NFAT5: variants seen among roughly 807,000 people sequenced by gnomAD.
The protein encoded by NFAT5 is nuclear factor of activated T cells 5.
A neutral mutation model predicts 166.5 loss-of-function variants in NFAT5; 31 were observed. The observed-to-expected ratio is 0.19, with a 90% CI of 0.14 to 0.25. The LOEUF is 0.25. Among genes scored for constraint, NFAT5 ranks in the 10% least tolerant of loss-of-function variants. The pLI, the probability that NFAT5 is intolerant of heterozygous loss-of-function variation, is 1.00. For missense variants in NFAT5, 1,449 were observed against 1,821.8 expected (o/e 0.80, Z 3.72); for synonymous variants, 612 against 639.7 (o/e 0.96, Z 0.65).
chr16:69,593,792 A>G (rs763762926), intron 2 of NFAT5, among the ~76,000 whole-genome samples: 5 of 152,226 alleles, frequency 3.3e-5, no homozygotes, highest in Non-Finnish European at 5.9e-5. Context: ...TTTGTGCAGT[A>G]TAAGAATATA....
At chr16:69,570,163 T>C (rs1057357192) in intron 2 of NFAT5, among the ~76,000 whole-genome samples, 1 of 152,212 alleles carries the variant, frequency 6.6e-6, no homozygotes, top group African/African-American at 2.4e-5. Context: ...CTTTCGTTAA[T>C]TTTTCATTTT....
At chr16:69,588,022 G>A (rs1231403094) in intron 2 of NFAT5, among the ~76,000 whole-genome samples, 1 of 131,804 alleles carries the variant, frequency 7.6e-6, no homozygotes, top group Non-Finnish European at 1.5e-5. Context: ...GTATGATTCC[G>A]GCTTACTGCA....
At chr16:69,638,542 T>G (rs917259602) in intron 3 of NFAT5, among the ~76,000 whole-genome samples, 1 of 152,100 alleles carries the variant, frequency 6.6e-6, no homozygotes, top group African/African-American at 2.4e-5. Flanking sequence ...AAGACCAGCC[T>G]GGCCAACATG....
In NFAT5 at chr16:69,694,185, TCTC is replaced by T. The variant is rs1246907485; in HGVS notation, c.4363_4365del (p.Pro1455del). 6.8e-6 allele frequency: 11 copies of T among 1,613,978 alleles called. No homozygotes were observed. The highest frequency in any genetic ancestry group is 1.3e-5 in the African/African-American group (1 of 74,910). ...AGGCACAATGAACCAACTGCAGAAT[TCTC>T]CTGGCTCATCTCAGCAGACATCAGG... is the stretch of plus-strand genomic sequence containing the variant. On this transcript the variant is annotated inframe_deletion, in exon 13 of 15. Coordinates refer to ENST00000349945, the MANE Select transcript of NFAT5 (RefSeq NM_138713.4).
At position 69,680,082 on chromosome 16, in the gene NFAT5, T is replaced by C. The variant is rs2036994907; in HGVS notation, c.1690+2747T>C. On this transcript the variant is annotated intron_variant, in intron 10 of 14. Coordinates refer to ENST00000349945, the MANE Select transcript of NFAT5 (RefSeq NM_138713.4). Reference sequence around the variant, plus strand: ...GCAGTGAGCTGAGATTGCGCCAGTGTACTCCAGCCTGGGCGACAGAGCAAG... The same window carrying C: ...GCAGTGAGCTGAGATTGCGCCAGTGCACTCCAGCCTGGGCGACAGAGCAAG... 2.0e-5 allele frequency among the ~76,000 whole-genome samples: 3 copies of C among 152,212 alleles called. No homozygotes were observed. In the South Asian group the frequency reaches 6.2e-4, roughly 32 times the overall value.
intron 5 of NFAT5, among the ~76,000 whole-genome samples, chr16:69,654,410 C>T (rs1167123133): frequency 6.6e-6 from 1 of 152,142 alleles, no homozygotes; most frequent in Non-Finnish European, 1.5e-5. Context: ...TGTTAATAGT[C>T]ACGTGTACAA....
chr16:69,660,248 C>G (rs528604040), intron 7 of NFAT5, among the ~76,000 whole-genome samples: 9 of 152,174 alleles, frequency 5.9e-5, no homozygotes, highest in Admixed American at 2.0e-4. Context: ...TAGTGAAAAT[C>G]CTGTCTCTAC....
chr16:69,570,681 C>T (rs968553339), intron 2 of NFAT5, among the ~76,000 whole-genome samples: 12 of 152,026 alleles, frequency 7.9e-5, no homozygotes, highest in Non-Finnish European at 2.9e-5. Flanking sequence ...TTGTGACTCT[C>T]CTGCCCTCTT....
chr16:69,605,427 G>T (rs72801330), intron 2 of NFAT5, among the ~76,000 whole-genome samples: 1 of 152,130 alleles, frequency 6.6e-6, no homozygotes, highest in African/African-American at 2.4e-5. Flanking sequence ...GCAACAGAGC[G>T]ACAGTGTCTC....
Position 69,653,226 on chromosome 16 carries a change from G to T in NFAT5, c.813-10G>T. 3 of 1,529,192 alleles carry T rather than the reference G, an allele frequency of 2.0e-6. No homozygotes were observed. Among genetic ancestry groups the T allele is most frequent in the South Asian group, 2.6e-5 (2 of 77,044 alleles). The allele number at this position is 1,529,192 out of a possible 1,614,324, so 94.7% of individuals were successfully genotyped here. On this transcript the variant is annotated splice_polypyrimidine_tract_variant and intron_variant, in intron 4 of 14. Transcript: ENST00000349945. ...TGATACTTTCTCCATGTTGTGCTTT[G>T]ATTTCTCAGAACATTGGAAAACCAA...
intron 2 of NFAT5, 41 bp from the exon 3 acceptor site, chr16:69,626,362 C>G: frequency 6.5e-7 from 1 of 1,546,134 alleles, no homozygotes; most frequent in Non-Finnish European, 8.7e-7. Context: ...GACTGAATCT[C>G]TTTTAAAAAT....
At chr16:69,621,254 A>T (rs201274613) in intron 2 of NFAT5, among the ~76,000 whole-genome samples, 1 of 126,198 alleles carries the variant, frequency 7.9e-6, no homozygotes, top group Non-Finnish European at 1.7e-5. Context: ...CTCTTCCTTT[A>T]AAAAAAAAAA....
chr16:69,620,919 C>A (rs998458339), intron 2 of NFAT5, among the ~76,000 whole-genome samples: 1 of 152,208 alleles, frequency 6.6e-6, no homozygotes, highest in African/African-American at 2.4e-5. Flanking sequence ...GATATAACCA[C>A]CTTCTTCCAG....
chr16:69,570,998 A>C (rs2142897016), intron 2 of NFAT5, among the ~76,000 whole-genome samples: 1 of 152,152 alleles, frequency 6.6e-6, no homozygotes, highest in Middle Eastern at 3.4e-3. Context: ...ATTTTTAAAA[A>C]CTAAATGCTA....
chr16:69,621,534 G>A (rs1024301258), intron 2 of NFAT5, among the ~76,000 whole-genome samples: 1 of 151,794 alleles, frequency 6.6e-6, no homozygotes, highest in South Asian at 2.1e-4. Context: ...CTGTTTCTTC[G>A]TATCTTGTGT....
intron 10 of NFAT5, among the ~76,000 whole-genome samples, chr16:69,682,963 G>C (rs2037131434): frequency 6.6e-6 from 1 of 152,196 alleles, no homozygotes; most frequent in African/African-American, 2.4e-5. Context: ...TAGAATCCCA[G>C]CACTTTGGGA....
rs2037841923 is a variant in NFAT5 at position 69,698,799 on chromosome 16, T to C, written c.*2448T>C. On this transcript the variant is annotated 3_prime_UTR_variant, in exon 15 of 15. Coordinates refer to ENST00000349945, the MANE Select transcript of NFAT5 (RefSeq NM_138713.4). ...TAATTGGCTTTCTGTATTCTATGCC[T>C]TTTATTTATAAAGACACTAAGAAAA... The C allele has an allele frequency of 6.5e-6, 1 of 152,674 alleles. No individual in the cohort carries two copies. Among genetic ancestry groups the C allele is most frequent in the African/African-American group, 2.4e-5 (1 of 41,462 alleles). 9.5% of individuals were successfully genotyped at this position (152,674 alleles called of 1,614,324 possible).
At chr16:69,634,237 C>G (rs1054314310) in intron 3 of NFAT5, among the ~76,000 whole-genome samples, 5 of 146,398 alleles carry the variant, frequency 3.4e-5, no homozygotes, top group Middle Eastern at 3.5e-3. Context: ...CGAGATCATG[C>G]CACTGCACTC....
chr16:69,662,281 T>A (rs1359768861), intron 7 of NFAT5, among the ~76,000 whole-genome samples: 1 of 152,104 alleles, frequency 6.6e-6, no homozygotes. Context: ...AATTTTCATA[T>A]CTACCCTTCT....
Sources: allele counts gnomAD v4.1 joint callset (sites outside exome capture counted in the v4.1 genomes callset), GRCh38; gene constraint gnomAD v4.1.1; transcripts MANE v1.5; gene names NCBI Gene and HGNC (gene_info 2026-07-23, HGNC 2026-07-21).